The following GGA1 variants were observed in gnomAD, a reference collection of about 807,000 sequenced individuals.
GGA1 encodes ADP-ribosylation factor-binding protein GGA1.
GGA1 carries 18 observed loss-of-function variants against 76.9 expected under a neutral mutation model. The ratio of observed to expected loss-of-function variants is 0.23; its 90% CI spans 0.16 to 0.35. The LOEUF is 0.35. Among genes scored for constraint, GGA1 ranks in the 10% least tolerant of loss-of-function variants. GGA1 has a pLI of 1.00. For synonymous variants in GGA1, 342 were observed against 354.7 expected (o/e 0.96, Z 0.40); for missense variants, 755 against 859.0 (o/e 0.88, Z 1.51).
chr22:37,610,558 C>T (rs1249715017), intron 1 of GGA1: 1 of 152,220 alleles, frequency 6.6e-6, no homozygotes, highest in Non-Finnish European at 1.5e-5. Context: ...CCAGGCTGAT[C>T]TCGAACTCCT....
At position 37,632,756 on chromosome 22, in the gene GGA1, G is replaced by C; in HGVS notation, c.*45G>C. 1 of 1,174,034 alleles carries C rather than the reference G, an allele frequency of 8.5e-7. No homozygotes were observed. The highest frequency in any genetic ancestry group is 1.9e-4 in the Middle Eastern group (1 of 5,176). 72.7% of individuals were successfully genotyped at this position (1,174,034 alleles called of 1,614,324 possible). On this transcript the variant is annotated 3_prime_UTR_variant, in exon 17 of 17. Coordinates refer to ENST00000343632, the MANE Select transcript of GGA1 (RefSeq NM_013365.5). This position sits in a 1 kb window ranked among gnomAD's most constrained non-coding sequence, Gnocchi z 5.1. ...GGAAGGGGCAGAGGGACCGGTCACTGTCCAGCCTGGAGGGAGGCATTGGTG... is the reference window on the plus strand; with the variant it reads ...GGAAGGGGCAGAGGGACCGGTCACTCTCCAGCCTGGAGGGAGGCATTGGTG...
In GGA1 at chr22:37,632,282, T is replaced by C; in HGVS notation, c.1698+117T>C. 2 of 1,315,858 alleles carry C rather than the reference T, an allele frequency of 1.5e-6. No homozygotes were observed. The allele number at this position is 1,315,858 out of a possible 1,614,324, so 81.5% of individuals were successfully genotyped here. A position where few individuals can be genotyped will look rare whatever the true frequency, so the allele number is the denominator to read the frequency against. The stretch of plus-strand genomic sequence containing the variant: ...TCCCTCCCTTGCTGGGTGGTTGGTG[T>C]AGAAGGGACCAGAAGGACTGAGCCC... On this transcript the variant is annotated intron_variant, in intron 15 of 16. Coordinates refer to ENST00000343632, the MANE Select transcript of GGA1 (RefSeq NM_013365.5). The surrounding 1 kb of genome is among the most constrained non-coding windows in gnomAD (Gnocchi z 5.1).
intron 1 of GGA1, among the ~76,000 whole-genome samples, chr22:37,612,113 G>A (rs967731424): frequency 9.9e-5 from 15 of 151,336 alleles, no homozygotes; most frequent in East Asian, 3.9e-4. Context: ...CCGAGATCTC[G>A]CCACTGCACT....
chr22:37,609,627 C>T (rs1379492097), intron 1 of GGA1, among the ~76,000 whole-genome samples: 1 of 152,162 alleles, frequency 6.6e-6, no homozygotes, highest in Admixed American at 6.5e-5. Context: ...TGTTTCTCCT[C>T]AGACGTAGCT....
Position 37,624,754 on chromosome 22 carries a change from C to T in GGA1, c.833-215C>T. On this transcript the variant is annotated intron_variant, in intron 9 of 16. Coordinates refer to ENST00000343632, the MANE Select transcript of GGA1 (RefSeq NM_013365.5). This position sits in a 1 kb window ranked among gnomAD's most constrained non-coding sequence, Gnocchi z 4.3. ...GCGGGCCCAGTGTGTTGAGACAGCC[C>T]AGGCAGTATGGCAGGGAGTGAATGA... 1 of 580,720 alleles carries T rather than the reference C, an allele frequency of 1.7e-6. No individual in the cohort carries two copies. Among genetic ancestry groups the T allele is most frequent in the Non-Finnish European group, 3.0e-6 (1 of 337,538 alleles). The allele number at this position is 580,720 out of a possible 1,614,324, so 36.0% of individuals were successfully genotyped here.
chr22:37,630,590 G>T, intron 13 of GGA1: 1 of 455,632 alleles, frequency 2.2e-6, no homozygotes, highest in African/African-American at 2.1e-5. Context: ...TTTTTGAGAG[G>T]GAGTCTCACC....
chr22:37,619,146 A>G (rs1929368356), intron 4 of GGA1, among the ~76,000 whole-genome samples: 1 of 150,920 alleles, frequency 6.6e-6, no homozygotes, highest in African/African-American at 2.4e-5. Flanking sequence ...ACGCTCCACA[A>G]CCTCCACCTC....
chr22:37,610,531 G>A (rs1218780851), intron 1 of GGA1: 1 of 152,164 alleles, frequency 6.6e-6, no homozygotes, highest in African/African-American at 2.4e-5. Flanking sequence ...AGTACAGGTG[G>A]GCTTTCACCA....
In GGA1 at chr22:37,623,519, C is replaced by G. The variant is rs201588626; in HGVS notation, c.751-33C>G. On this transcript the variant is annotated intron_variant, in intron 8 of 16. Coordinates refer to ENST00000343632, the MANE Select transcript of GGA1 (RefSeq NM_013365.5). This position sits in a 1 kb window ranked among gnomAD's most constrained non-coding sequence, Gnocchi z 4.6. ...CTCCCTGCCCACTCCACAGCCCACGCGGACCCTGACCCGCCCATCCTGCTG... is the reference window on the plus strand; with the variant it reads ...CTCCCTGCCCACTCCACAGCCCACGGGGACCCTGACCCGCCCATCCTGCTG... 6.2e-7 allele frequency: 1 copy of G among 1,612,644 alleles called. No individual in the cohort carries two copies.
In GGA1 at chr22:37,618,498, G is replaced by A; in HGVS notation, c.255G>A (p.Val85=). Residue 85 remains valine (V), a synonymous_variant, in exon 4 of 17, where the codon GTG becomes GTA. Coordinates refer to ENST00000343632, the MANE Select transcript of GGA1 (RefSeq NM_013365.5). The part of the protein sequence containing the change: ...KSCGKRFHDE[V]GKFRFLNELI... ...GCGGCAAGCGGTTCCACGACGAAGTGGGCAAGTTCCGCTTTCTCAACGAGC... is the reference window on the plus strand; with the variant it reads ...GCGGCAAGCGGTTCCACGACGAAGTAGGCAAGTTCCGCTTTCTCAACGAGC... 1.2e-6 allele frequency: 2 copies of A among 1,613,676 alleles called. No homozygotes were observed. The highest frequency in any genetic ancestry group is 1.7e-6 in the Non-Finnish European group (2 of 1,179,578).
intron 1 of GGA1, chr22:37,613,010 A>C: frequency 7.1e-6 from 7 of 985,382 alleles, no homozygotes; most frequent in Non-Finnish European, 8.4e-6. Flanking sequence ...CTGACTGCTC[A>C]TTCATTTGCC....
At chr22:37,626,215 T>G in intron 11 of GGA1, 1 of 346,134 alleles carries the variant, frequency 2.9e-6, no homozygotes, top group Non-Finnish European at 5.2e-6. Flanking sequence ...TCTGGCAGCC[T>G]GGGGGGAAAC....
chr22:37,621,306 C>G (rs1407690340), intron 6 of GGA1, among the ~76,000 whole-genome samples: 3 of 152,186 alleles, frequency 2.0e-5, no homozygotes, highest in Non-Finnish European at 4.4e-5. Flanking sequence ...TTAGCCCCAG[C>G]CCTGGAGAGT....
At chr22:37,613,503 C>T (rs1221717818) in intron 1 of GGA1, among the ~76,000 whole-genome samples, 1 of 152,150 alleles carries the variant, frequency 6.6e-6, no homozygotes, top group Non-Finnish European at 1.5e-5. Flanking sequence ...CGGGTTCACG[C>T]CATTCTCCTG....
At chr22:37,616,777 C>T (rs80083606) in intron 2 of GGA1, 145 bp from the exon 3 acceptor site, 63,021 of 956,074 alleles carry the variant, frequency 0.066, 2,503 homozygotes, top group Non-Finnish European at 0.08. Flanking sequence ...GCTGAAGTCT[C>T]GGCGGCGGGC....
rs185408110 is a variant in GGA1, at chr22:37,612,364, C to T, written c.44-1826C>T. ...GCGGGCACCTGTAGTCCCAGCTACTCGGGAGGCTGAGGCAGGAGAATGGCG... is the reference window on the plus strand; with the variant it reads ...GCGGGCACCTGTAGTCCCAGCTACTTGGGAGGCTGAGGCAGGAGAATGGCG... On this transcript the variant is annotated intron_variant, in intron 1 of 16. Transcript: ENST00000343632. 7.0e-4 allele frequency among the ~76,000 whole-genome samples: 102 copies of T among 145,604 alleles called. 1 individual carries two copies. Among genetic ancestry groups the T allele is most frequent in the Non-Finnish European group, 3.7e-4 (25 of 67,062 alleles).
intron 6 of GGA1, among the ~76,000 whole-genome samples, chr22:37,621,278 G>T (rs1255948492): frequency 2.0e-5 from 3 of 152,176 alleles, no homozygotes; most frequent in Non-Finnish European, 4.4e-5. Flanking sequence ...TAAAGTAAAA[G>T]GTCCCCTCTC....
chr22:37,630,754 G>A lies in GGA1; in HGVS notation c.1332-149G>A, dbSNP rs1931655548. 8.1e-6 allele frequency: 5 copies of A among 616,522 alleles called. No homozygotes were observed. In the South Asian group the frequency reaches 9.8e-5, roughly 12 times the overall value. 38.2% of individuals were successfully genotyped at this position (616,522 alleles called of 1,614,324 possible). On this transcript the variant is annotated intron_variant, in intron 13 of 16. Transcript: ENST00000343632. The stretch of plus-strand genomic sequence containing the variant: ...GCTAGTTTTTTGTATTTTTTATACA[G>A]ACCGGGTTTCGCCATGTTGCCCAGG...
chr22:37,612,907 C>T (rs1928000584), intron 1 of GGA1: 1 of 984,908 alleles, frequency 1.0e-6, no homozygotes, highest in African/African-American at 1.7e-5. Flanking sequence ...CGTGTTTACA[C>T]CACTTCATGT....
Sources: allele counts gnomAD v4.1 joint callset (sites outside exome capture counted in the v4.1 genomes callset), GRCh38; gene constraint gnomAD v4.1.1; non-coding constraint Gnocchi (gnomAD v3.1); transcripts MANE v1.5; gene names NCBI Gene and HGNC (gene_info 2026-07-23, HGNC 2026-07-21).